RABEP1: variants seen among roughly 807,000 people sequenced by gnomAD.
The protein encoded by RABEP1 is rabaptin, RAB GTPase binding effector protein 1.
In RABEP1, 51 loss-of-function variants were observed where a neutral mutation model predicts 123.4. The observed-to-expected ratio is 0.41, with a 90% CI of 0.33 to 0.52. The LOEUF (loss-of-function observed/expected upper bound fraction) is 0.52, where lower values mean the gene tolerates loss of function less well. Among genes scored for constraint, RABEP1 ranks in the 20% least tolerant of loss-of-function variants. The pLI is 0.16. For missense variants in RABEP1, 888 were observed against 996.3 expected, an observed-to-expected ratio of 0.89 and a Z score of 1.46; for synonymous variants, 347 against 355.2, an observed-to-expected ratio of 0.98 and a Z score of 0.26.
chr17:5,307,717 G>A (rs1030995839), intron 1 of RABEP1, among the ~76,000 whole-genome samples: 7 of 152,132 alleles, frequency 4.6e-5, no homozygotes, highest in Non-Finnish European at 2.9e-5. Flanking sequence ...GTCAGGGAAG[G>A]CAATCATTTA....
At chr17:5,363,054 G>A (rs754571066) in intron 10 of RABEP1, 38 bp downstream of exon 10, 14 of 1,481,836 alleles carry the variant, frequency 9.4e-6, no homozygotes, top group East Asian at 2.3e-5. Context: ...GGATATTGTC[G>A]TTTTCATTGG....
intron 2 of RABEP1, among the ~76,000 whole-genome samples, chr17:5,312,332 G>A (rs1392673489): frequency 6.6e-6 from 1 of 152,156 alleles, no homozygotes; most frequent in Non-Finnish European, 1.5e-5. Flanking sequence ...TGTATTTTTA[G>A]TAGAGACAGG....
chr17:5,347,715 A>G lies in RABEP1; in HGVS notation c.784+790A>G, dbSNP rs1490394959. Reference sequence around the variant, plus strand: ...ATTCTTTCCCCACTAAAATATTATGAAAATAACCCAAACTTTGAGTGAAGT... The same window carrying G: ...ATTCTTTCCCCACTAAAATATTATGGAAATAACCCAAACTTTGAGTGAAGT... On this transcript the variant is annotated intron_variant, in intron 6 of 17. Transcript: ENST00000537505. Among the ~76,000 whole-genome samples, 3 of 152,172 alleles carry G rather than the reference A, an allele frequency of 2.0e-5. No homozygotes were observed. In the East Asian group the frequency reaches 5.8e-4, roughly 29 times the overall value.
At chr17:5,372,870 C>G (rs1210545033) in intron 12 of RABEP1, among the ~76,000 whole-genome samples, 1 of 152,154 alleles carries the variant, frequency 6.6e-6, no homozygotes, top group African/African-American at 2.4e-5. Flanking sequence ...ATTCTCCGGC[C>G]TCAGCCTCCC....
intron 3 of RABEP1, 52 bp downstream of exon 3, chr17:5,332,204 A>G: frequency 6.7e-7 from 1 of 1,491,374 alleles, no homozygotes; most frequent in Non-Finnish European, 9.2e-7. Context: ...TCCGATTCTG[A>G]TGATTGAGAA....
intron 12 of RABEP1, among the ~76,000 whole-genome samples, chr17:5,372,450 A>G (rs1910596633): frequency 6.6e-6 from 1 of 152,182 alleles, no homozygotes; most frequent in South Asian, 2.1e-4. Flanking sequence ...GACTGTCTCA[A>G]AAGAAAAAAA....
chr17:5,314,234 C>CTTTTTTTTTTTTTTTTTTTTTTTTTTTTT (rs71151864), intron 2 of RABEP1, among the ~76,000 whole-genome samples: 2 of 55,560 alleles, frequency 3.6e-5, no homozygotes, highest in African/African-American at 1.4e-4. Flanking sequence ...AGTACCTATT[C>CTTTTTTTTTTTTTTTTTTTTTTTTTTTTT]TTTTTTTTTT....
rs983360326 is a variant in RABEP1 at position 5,367,823 on chromosome 17, G to C, written c.1786-547G>C. On this transcript the variant is annotated intron_variant, in intron 11 of 17. Coordinates refer to ENST00000537505, the MANE Select transcript of RABEP1 (RefSeq NM_004703.6). ...CAGGCTAGAGTACAGGGTGCGTTCT[G>C]GGCTCACTGCAACCTCTGCCTCCCG... Among the ~76,000 whole-genome samples, 8 of 148,776 alleles carry C rather than the reference G, an allele frequency of 5.4e-5. 1 individual carries two copies. In the East Asian group the frequency reaches 1.3e-3, roughly 23 times the overall value.
In RABEP1 at chr17:5,385,921, T is replaced by A. The variant is rs1911920780; in HGVS notation, c.*2698T>A. 1 of 355,916 alleles carries A rather than the reference T, an allele frequency of 2.8e-6. No individual in the cohort carries two copies. 22.0% of individuals were successfully genotyped at this position (355,916 alleles called of 1,614,324 possible). A position where few individuals can be genotyped will look rare whatever the true frequency, so the allele number is the denominator to read the frequency against. Reference sequence around the variant, plus strand: ...CACAAGAATAACTAACTTGCTCAAATATGGAGAAAACTCAATAGGGTTCAG... The same window carrying A: ...CACAAGAATAACTAACTTGCTCAAAAATGGAGAAAACTCAATAGGGTTCAG... On this transcript the variant is annotated 3_prime_UTR_variant, in exon 18 of 18. Coordinates refer to ENST00000537505, the MANE Select transcript of RABEP1 (RefSeq NM_004703.6).
intron 13 of RABEP1, among the ~76,000 whole-genome samples, chr17:5,375,620 C>T (rs1037898424): frequency 6.6e-6 from 1 of 151,860 alleles, no homozygotes; most frequent in African/African-American, 2.4e-5. Flanking sequence ...TGGGAGGGGT[C>T]GCCTGAGCCC....
chr17:5,329,627 T>A (rs1906326379), intron 2 of RABEP1, among the ~76,000 whole-genome samples: 1 of 152,176 alleles, frequency 6.6e-6, no homozygotes, highest in Non-Finnish European at 1.5e-5. Flanking sequence ...CTTTTGAATA[T>A]GTTTGAAAAT....
chr17:5,324,895 A>C (rs1905817830), intron 2 of RABEP1, among the ~76,000 whole-genome samples: 2 of 152,260 alleles, frequency 1.3e-5, no homozygotes, highest in African/African-American at 2.4e-5. Context: ...ACAGGCATTC[A>C]TCCACTGATG....
chr17:5,354,290 G>T, intron 7 of RABEP1, 69 bp from the exon 8 acceptor site: 1 of 1,378,568 alleles, frequency 7.3e-7, no homozygotes, highest in South Asian at 1.4e-5. Context: ...TGTTTTGAAT[G>T]GTTAAAGAAC....
chr17:5,305,795 T>G lies in RABEP1; in HGVS notation c.35-2899T>G, dbSNP rs117140998. 3.2e-3 allele frequency among the ~76,000 whole-genome samples: 487 copies of G among 152,298 alleles called. 2 individuals carry two copies. The highest frequency in any genetic ancestry group is 5.4e-3 in the Non-Finnish European group (369 of 68,026). On this transcript the variant is annotated intron_variant, in intron 1 of 17. Coordinates refer to ENST00000537505, the MANE Select transcript of RABEP1 (RefSeq NM_004703.6). ...ACAGAGAACAGATTTCTTTCATGATTTCAAAGGGTAATATGAGATAATTGC... is the reference window on the plus strand; with the variant it reads ...ACAGAGAACAGATTTCTTTCATGATGTCAAAGGGTAATATGAGATAATTGC...
At position 5,282,462 on chromosome 17, in the gene RABEP1, G is replaced by T; in HGVS notation, c.-25G>T. ...GGACGCCGCTTCCCCGCCCATCCCC[G>T]CTCCCCGAGGCCGGCCGCCTGGTCA... is the stretch of plus-strand genomic sequence containing the variant. On this transcript the variant is annotated 5_prime_UTR_variant, in exon 1 of 18. Coordinates refer to ENST00000537505, the MANE Select transcript of RABEP1 (RefSeq NM_004703.6). 3 of 1,343,266 alleles carry T rather than the reference G, an allele frequency of 2.2e-6. No homozygotes were observed. Among genetic ancestry groups the T allele is most frequent in the South Asian group, 1.8e-5 (1 of 55,296 alleles). The allele number at this position is 1,343,266 out of a possible 1,614,324, so 83.2% of individuals were successfully genotyped here.
At chr17:5,320,175 C>CA (rs2075339201) in intron 2 of RABEP1, among the ~76,000 whole-genome samples, 1 of 151,476 alleles carries the variant, frequency 6.6e-6, no homozygotes, top group Non-Finnish European at 1.5e-5. Flanking sequence ...GTCAGTTTGT[C>CA]AACAGACTTC....
chr17:5,310,999 G>T (rs971489035), intron 2 of RABEP1, among the ~76,000 whole-genome samples: 2 of 151,728 alleles, frequency 1.3e-5, no homozygotes, highest in Non-Finnish European at 2.9e-5. Flanking sequence ...TAGTAGAGAC[G>T]GGGTCTCACC....
chr17:5,379,342 A>G (rs1911257887), intron 15 of RABEP1, among the ~76,000 whole-genome samples: 1 of 152,116 alleles, frequency 6.6e-6, no homozygotes, highest in South Asian at 2.1e-4. Flanking sequence ...ACTTTTCCAG[A>G]TGTCCCCGCG....
chr17:5,342,724 G>C (rs1298075012), intron 5 of RABEP1, among the ~76,000 whole-genome samples: 1 of 152,158 alleles, frequency 6.6e-6, no homozygotes, highest in Non-Finnish European at 1.5e-5. Flanking sequence ...ACTTCATATA[G>C]AGAAGTGAAG....
Sources: gnomAD v4.1 joint callset for allele counts (sites outside exome capture counted in the v4.1 genomes callset) on GRCh38, gnomAD v4.1.1 for gene constraint, MANE v1.5 for transcripts, NCBI Gene and HGNC (gene_info 2026-07-23, HGNC 2026-07-21) for gene names.